DPP9: variants seen among roughly 807,000 people sequenced by gnomAD.
DPP9 encodes dipeptidyl peptidase IV-related protein-2.
In DPP9, 50 loss-of-function variants were observed where a neutral mutation model predicts 110.7. That is an observed-to-expected ratio of 0.45 (90% CI 0.36 to 0.57). DPP9 has a LOEUF of 0.57. DPP9 is among the 20% of genes least tolerant of loss of function. The pLI is 0.00. For missense variants in DPP9, 1,022 were observed against 1,217.9 expected (o/e 0.84, Z 2.39); for synonymous variants, 561 against 514.4 (o/e 1.09, Z -1.23).
Position 4,689,821 on chromosome 19 carries a change from T to G in DPP9, c.1597-99A>C. 7.8e-7 allele frequency: 1 copy of G among 1,289,954 alleles called. No individual in the cohort carries two copies. The highest frequency in any genetic ancestry group is 1.0e-6 in the Non-Finnish European group (1 of 957,140). 79.9% of individuals were successfully genotyped at this position (1,289,954 alleles called of 1,614,324 possible). ...GGAGTGGGCCCCATGTTCCTCGGAC[T>G]GGGGACGCATGCTGTCCTCGCCCAA... On this transcript the variant is annotated intron_variant, in intron 14 of 21. Coordinates refer to ENST00000262960, the MANE Select transcript of DPP9 (RefSeq NM_139159.5). This position sits in a 1 kb window ranked among gnomAD's most constrained non-coding sequence, Gnocchi z 7.0.
At position 4,687,860 on chromosome 19, in the gene DPP9, C is replaced by T. The variant is rs2090931005; in HGVS notation, c.1885+897G>A. ...TCGCCCAGGCTAAAGTACAGTGGTG[C>T]GATCTCAGCTCACTGCAACCTCTGT... On this transcript the variant is annotated intron_variant, in intron 16 of 21. Transcript: ENST00000262960. The surrounding 1 kb of genome is among the most constrained non-coding windows in gnomAD (Gnocchi z 4.7). Among the ~76,000 whole-genome samples, 2 of 152,006 alleles carry T rather than the reference C, an allele frequency of 1.3e-5. No homozygotes were observed. The highest frequency in any genetic ancestry group is 2.1e-4 in the South Asian group (1 of 4,828).
intron 2 of DPP9, among the ~76,000 whole-genome samples, chr19:4,720,530 T>A (rs1441633791): frequency 6.6e-6 from 1 of 152,064 alleles, no homozygotes; most frequent in East Asian, 1.9e-4. Flanking sequence ...GCGACCCCCA[T>A]CACCACACCC....
At position 4,698,385 on chromosome 19, in the gene DPP9, C is replaced by T. The variant is rs774647275; in HGVS notation, c.1075-734G>A. On this transcript the variant is annotated intron_variant, in intron 10 of 21. Transcript: ENST00000262960. This position sits in a 1 kb window ranked among gnomAD's most constrained non-coding sequence, Gnocchi z 4.2. The stretch of plus-strand genomic sequence containing the variant: ...GGTCACCAGCCCCACATCCCCAAGC[C>T]GACTTGTTTGATTGGCATCACCCCA... Among the ~76,000 whole-genome samples, 5 of 152,206 alleles carry T rather than the reference C, an allele frequency of 3.3e-5. No individual in the cohort carries two copies. Among genetic ancestry groups the T allele is most frequent in the African/African-American group, 9.6e-5 (4 of 41,456 alleles).
intron 13 of DPP9, among the ~76,000 whole-genome samples, chr19:4,691,927 C>T (rs1236632689): frequency 6.6e-6 from 1 of 151,968 alleles, no homozygotes; most frequent in African/African-American, 2.4e-5. Flanking sequence ...ATCCACCTGC[C>T]TCAGCCTCCC....
rs182215091 is a variant in DPP9 at position 4,701,436 on chromosome 19, C to T, written c.1012+591G>A. On this transcript the variant is annotated intron_variant, in intron 9 of 21. Transcript: ENST00000262960. ...TGAGCTGTGATTGCACCACTGTACT[C>T]CTGCCTGAGCCACAAGGTGAAACCT... is the stretch of plus-strand genomic sequence containing the variant. Among the ~76,000 whole-genome samples, 837 of 152,272 alleles carry T rather than the reference C, an allele frequency of 5.5e-3. 2 individuals are homozygous for T. Among genetic ancestry groups the T allele is most frequent in the African/African-American group, 0.019 (780 of 41,544 alleles).
chr19:4,700,144 C>A lies in DPP9; in HGVS notation c.1074+72G>T, dbSNP rs1390394578. The A allele has an allele frequency of 3.1e-6, 4 of 1,288,534 alleles. No individual in the cohort carries two copies. In the Admixed American group the frequency reaches 7.1e-5, roughly 23 times the overall value. 79.8% of individuals were successfully genotyped at this position (1,288,534 alleles called of 1,614,324 possible). ...AGAGGGAGGTGAGTGACCTGCCCAT[C>A]CACCCAGCTGCCTACCCGGCCCTTC... On this transcript the variant is annotated intron_variant, in intron 10 of 21. Transcript: ENST00000262960. The surrounding 1 kb of genome is among the most constrained non-coding windows in gnomAD (Gnocchi z 4.3).
chr19:4,713,262 G>T, intron 4 of DPP9, among the ~76,000 whole-genome samples: 1 of 152,250 alleles, frequency 6.6e-6, no homozygotes, highest in East Asian at 1.9e-4. Context: ...AGGCCTGGCT[G>T]ATCTCTCCAA....
rs2091997452 is a variant in DPP9, at chr19:4,698,687, C to CTGCAG, written c.1075-1041_1075-1037dup. 2.6e-5 allele frequency among the ~76,000 whole-genome samples: 4 copies of CTGCAG among 152,052 alleles called. No individual in the cohort carries two copies. The South Asian group carries it at 8.3e-4, about 32-fold the overall frequency. ...TTGCCTTGAGCCTGGGAAGTTGAGG[C>CTGCAG]TGCAGTGGGTCATGATTGCACCAGT... On this transcript the variant is annotated intron_variant, in intron 10 of 21. Transcript: ENST00000262960. The surrounding 1 kb of genome is among the most constrained non-coding windows in gnomAD (Gnocchi z 4.2).
chr19:4,697,648 C>G lies in DPP9; in HGVS notation c.1078G>C (p.Val360Leu). Residue 360 changes from valine (V) to leucine (L), a missense_variant, in exon 11 of 22, where the codon GTC becomes CTC. Around this residue, in one of 3 missense-constraint regions of DPP9, gnomAD observed 810 missense variants for 920.6 expected, o/e 0.88. Transcript: ENST00000262960. Reference sequence around the variant, plus strand: ...ACCAGCTCCTTCTCCTGGGTCGAGACGATCTGAAGGGAAACAAACAGGTGT... The same window carrying G: ...ACCAGCTCCTTCTCCTGGGTCGAGAGGATCTGAAGGGAAACAAACAGGTGT... ...EFQTDSQGKI[V>L]STQEKELVQP... 6.2e-7 allele frequency: 1 copy of G among 1,613,654 alleles called. No individual in the cohort carries two copies. Among genetic ancestry groups the G allele is most frequent in the Non-Finnish European group, 8.5e-7 (1 of 1,179,754 alleles).
rs1325834603 is a variant in DPP9 at position 4,700,818 on chromosome 19, C to T, written c.1013-541G>A. 6.6e-6 allele frequency among the ~76,000 whole-genome samples: 1 copy of T among 152,166 alleles called. No homozygotes were observed. The highest frequency in any genetic ancestry group is 1.5e-5 in the Non-Finnish European group (1 of 68,034). On this transcript the variant is annotated intron_variant, in intron 9 of 21. Coordinates refer to ENST00000262960, the MANE Select transcript of DPP9 (RefSeq NM_139159.5). The surrounding 1 kb of genome is among the most constrained non-coding windows in gnomAD (Gnocchi z 4.3). The stretch of plus-strand genomic sequence containing the variant: ...ACTTAGTTCAGGCTCCGAAAGAGGG[C>T]GCGGGCCACAGCAGAGCGGAGAATG...
chr19:4,683,887 C>A, intron 18 of DPP9: 1 of 1,410,812 alleles, frequency 7.1e-7, no homozygotes. Context: ...GTCAGTTTGC[C>A]CATCCCTAAT....
rs967668377 is a variant in DPP9, at chr19:4,684,173, G to A, written c.2178+490C>T. On this transcript the variant is annotated intron_variant, in intron 18 of 21. Transcript: ENST00000262960. This position sits in a 1 kb window ranked among gnomAD's most constrained non-coding sequence, Gnocchi z 4.8. ...CCCTTATAAAAGGGCCTGATGGAGG[G>A]AGGCCACGGCTTTTCCGCTCCTTGC... The A allele has an allele frequency of 2.9e-5, 8 of 275,460 alleles. No homozygotes were observed. Among genetic ancestry groups the A allele is most frequent in the South Asian group, 1.9e-4 (5 of 26,342 alleles). The allele number at this position is 275,460 out of a possible 1,614,324, so 17.1% of individuals were successfully genotyped here. A position where few individuals can be genotyped will look rare whatever the true frequency, so the allele number is the denominator to read the frequency against.
Position 4,679,951 on chromosome 19 carries a change from A to G in DPP9, c.2475-5T>C. The G allele has an allele frequency of 6.2e-7, 1 of 1,607,556 alleles. No individual in the cohort carries two copies. The highest frequency in any genetic ancestry group is 8.5e-7 in the Non-Finnish European group (1 of 1,176,238). On this transcript the variant is annotated splice_polypyrimidine_tract_variant and splice_region_variant and intron_variant, in intron 20 of 21. Transcript: ENST00000262960. ...AGGATAAGCAAGCGGTTGGGCCTGG[A>G]AAACAGATGGGGAAGGGTCTGAGGC...
Position 4,702,305 on chromosome 19 carries a change from T to G in DPP9, c.884-150A>C, listed in dbSNP as rs551264657. ...CGGCTCTGCCATTCGCTAGACCTTA[T>G]GCCAGTCCCAACTCTCTGGGCTTCA... On this transcript the variant is annotated intron_variant, in intron 8 of 21. Transcript: ENST00000262960. The G allele has an allele frequency of 8.0e-4, 901 of 1,130,026 alleles. 7 individuals are homozygous for G. The African/African-American group carries it at 0.013, about 16-fold the overall frequency. 70.0% of individuals were successfully genotyped at this position (1,130,026 alleles called of 1,614,324 possible). A position where few individuals can be genotyped will look rare whatever the true frequency, so the allele number is the denominator to read the frequency against.
rs1394662560 is a variant in DPP9 at position 4,704,834 on chromosome 19, A to G, written c.427-530T>C. Among the ~76,000 whole-genome samples, 1 of 152,208 alleles carries G rather than the reference A, an allele frequency of 6.6e-6. No homozygotes were observed. The highest frequency in any genetic ancestry group is 1.5e-5 in the Non-Finnish European group (1 of 68,038). On this transcript the variant is annotated intron_variant, in intron 5 of 21. Coordinates refer to ENST00000262960, the MANE Select transcript of DPP9 (RefSeq NM_139159.5). This position sits in a 1 kb window ranked among gnomAD's most constrained non-coding sequence, Gnocchi z 6.0. ...GCCAATATGGTGAAACCCCGTCTCT[A>G]CTAAAAATACAAAAATTAGCCGGGT...
intron 13 of DPP9, among the ~76,000 whole-genome samples, chr19:4,692,933 C>T (rs1349458616): frequency 6.6e-6 from 1 of 152,164 alleles, no homozygotes; most frequent in Non-Finnish European, 1.5e-5. Flanking sequence ...CCCGCCGGTC[C>T]GCATCATACT....
intron 1 of DPP9, chr19:4,722,896 T>C (rs1306711846): frequency 7.2e-6 from 2 of 277,398 alleles, no homozygotes; most frequent in African/African-American, 4.5e-5. Context: ...GACCAGGGGG[T>C]GGGGGCCAAG....
rs941256052 is a variant in DPP9, at chr19:4,690,804, CGTGTGTGTGTGAGTGT to C, written c.1596+58_1596+73del. The C allele has an allele frequency of 2.6e-6, 3 of 1,136,008 alleles. No homozygotes were observed. In the African/African-American group the frequency reaches 4.6e-5, roughly 17 times the overall value. 70.4% of individuals were successfully genotyped at this position (1,136,008 alleles called of 1,614,324 possible). ...GAGTGTATGTGTGTGTATGCGCGTG[CGTGTGTGTGTGAGTGT>C]ATGTGTGTAAAACACACATGCATGG... On this transcript the variant is annotated intron_variant, in intron 14 of 21. Transcript: ENST00000262960.
Position 4,682,876 on chromosome 19 carries a change from G to C in DPP9, c.2332-38C>G, listed in dbSNP as rs1404809546. On this transcript the variant is annotated intron_variant, in intron 19 of 21. Coordinates refer to ENST00000262960, the MANE Select transcript of DPP9 (RefSeq NM_139159.5). This position sits in a 1 kb window ranked among gnomAD's most constrained non-coding sequence, Gnocchi z 7.1. ...GCAGACAGATGGGGGCAGAGAGAGAGAGAGAAACAGGCGTCGGGTCCTACA... is the reference window on the plus strand; with the variant it reads ...GCAGACAGATGGGGGCAGAGAGAGACAGAGAAACAGGCGTCGGGTCCTACA... 1 of 1,558,014 alleles carries C rather than the reference G, an allele frequency of 6.4e-7. No individual in the cohort carries two copies. Among genetic ancestry groups the C allele is most frequent in the Non-Finnish European group, 8.7e-7 (1 of 1,153,434 alleles).
Sources: gnomAD v4.1 joint callset for allele counts (sites outside exome capture counted in the v4.1 genomes callset) on GRCh38, gnomAD v4.1.1 for gene constraint, gnomAD v4.1.1 regional missense constraint, Gnocchi (gnomAD v3.1) non-coding constraint, MANE v1.5 for transcripts, NCBI Gene and HGNC (gene_info 2026-07-23, HGNC 2026-07-21) for gene names.